The following CNKSR2 variants were observed in gnomAD, a reference collection of about 807,000 sequenced individuals.
The protein encoded by CNKSR2 is CNK homolog protein 2.
In CNKSR2, 14 loss-of-function variants were observed where a neutral mutation model predicts 84.4. The observed-to-expected ratio is 0.17, with a 90% CI of 0.11 to 0.26. The LOEUF is 0.26. Among genes scored for constraint, CNKSR2 ranks in the 10% least tolerant of loss-of-function variants. CNKSR2 has a pLI of 1.00. For missense variants in CNKSR2, 485 were observed against 771.2 expected, an observed-to-expected ratio of 0.63 and a Z score of 4.40; for synonymous variants, 275 against 277.9, an observed-to-expected ratio of 0.99 and a Z score of 0.10.
At chrX:21,426,422 G>C (rs2090565405) in intron 1 of CNKSR2, 75 bp from the exon 2 acceptor site, 1 of 981,314 alleles carries the variant, frequency 1.0e-6, no homozygotes. Flanking sequence ...ATTAATGCTT[G>C]CTTCTAACCC....
At chrX:21,648,379 G>A (rs886383757) in intron 20 of CNKSR2, among the ~76,000 whole-genome samples, 3 of 111,291 alleles carry the variant, frequency 2.7e-5, no homozygotes, top group African/African-American at 6.5e-5. Context: ...TAAACCAGGC[G>A]AGCTCTATTA....
intron 20 of CNKSR2, among the ~76,000 whole-genome samples, chrX:21,634,980 T>C (rs1027035877): frequency 9.4e-6 from 1 of 106,685 alleles, no homozygotes; most frequent in Non-Finnish European, 1.9e-5. Flanking sequence ...CTGTTATTTT[T>C]ATTAGAAGAA....
intron 13 of CNKSR2, among the ~76,000 whole-genome samples, chrX:21,586,237 T>TTC (rs1303528870): frequency 1.8e-5 from 2 of 111,678 alleles, no homozygotes; most frequent in African/African-American, 6.5e-5. Context: ...TGTAACCAAC[T>TTC]GGGAAGGCAA....
chrX:21,582,400 A>G (rs2092358967), intron 13 of CNKSR2, among the ~76,000 whole-genome samples: 1 of 111,771 alleles, frequency 8.9e-6, no homozygotes, highest in South Asian at 3.7e-4. Context: ...CTGTCATGAG[A>G]TGTTTTCATA....
intron 1 of CNKSR2, among the ~76,000 whole-genome samples, chrX:21,418,747 T>A (rs192088943): frequency 9.0e-6 from 1 of 111,702 alleles, no homozygotes; most frequent in Non-Finnish European, 1.9e-5. Context: ...CTTGAGGTAG[T>A]CAAGGCATTT....
At chrX:21,532,279 C>A in intron 11 of CNKSR2, 1 of 282,455 alleles carries the variant, frequency 3.5e-6, no homozygotes, top group Non-Finnish European at 6.2e-6. Context: ...TAAGAAAGAA[C>A]AGTAGGTAAC....
intron 11 of CNKSR2, among the ~76,000 whole-genome samples, chrX:21,547,155 C>G (rs1032016078): frequency 9.0e-6 from 1 of 111,076 alleles, no homozygotes; most frequent in African/African-American, 3.3e-5. Flanking sequence ...AGAGTCAAGA[C>G]CCGTCAGTGT....
chrX:21,498,768 A>G (rs2091528499), intron 7 of CNKSR2, among the ~76,000 whole-genome samples: 1 of 111,882 alleles, frequency 8.9e-6, no homozygotes, highest in Non-Finnish European at 1.9e-5. Flanking sequence ...TGGTTATTTC[A>G]GATTTCCATT....
chrX:21,487,727 C>A (rs1411327750), intron 5 of CNKSR2, among the ~76,000 whole-genome samples: 2 of 112,316 alleles, frequency 1.8e-5, no homozygotes, highest in African/African-American at 3.2e-5. Flanking sequence ...ATTTGAACCG[C>A]AGCCAGTTTT....
intron 2 of CNKSR2, among the ~76,000 whole-genome samples, chrX:21,431,337 A>G (rs2090631405): frequency 9.0e-6 from 1 of 111,626 alleles, no homozygotes; most frequent in Non-Finnish European, 1.9e-5. Flanking sequence ...TAGGAGTAGA[A>G]TATTGGTGCT....
chrX:21,542,247 T>C (rs1160312326), intron 11 of CNKSR2, among the ~76,000 whole-genome samples: 2 of 112,609 alleles, frequency 1.8e-5, no homozygotes, highest in African/African-American at 6.4e-5. Flanking sequence ...TAGTAGTTAC[T>C]AGCATTGGCT....
At chrX:21,504,707 C>T (rs1009669696) in intron 8 of CNKSR2, 17 of 290,820 alleles carry the variant, frequency 5.8e-5, no homozygotes, top group South Asian at 4.2e-4. Context: ...TAGTTTGCTC[C>T]TTTTTTAAAA....
At chrX:21,634,104 T>C (rs1042135822) in intron 20 of CNKSR2, among the ~76,000 whole-genome samples, 5 of 112,332 alleles carry the variant, frequency 4.5e-5, no homozygotes, top group African/African-American at 1.3e-4. Context: ...CAACATATTT[T>C]GAATGCCTAA....
In CNKSR2 at chrX:21,471,032, C is replaced by G. The variant is rs1352206603; in HGVS notation, c.561+225C>G. On this transcript the variant is annotated intron_variant, in intron 5 of 21. Transcript: ENST00000379510. ...AATATTTTAAAATTGTAATGTGTAGCAAGGTTGGAATATAATAAAAAATTA... is the reference window on the plus strand; with the variant it reads ...AATATTTTAAAATTGTAATGTGTAGGAAGGTTGGAATATAATAAAAAATTA... 3.6e-5 allele frequency among the ~76,000 whole-genome samples: 4 copies of G among 110,953 alleles called. No individual in the cohort carries two copies. The East Asian group carries it at 1.1e-3, about 31-fold the overall frequency.
At chrX:21,385,930 A>C (rs938056229) in intron 1 of CNKSR2, among the ~76,000 whole-genome samples, 8 of 105,913 alleles carry the variant, frequency 7.6e-5, no homozygotes, top group Non-Finnish European at 1.5e-4. Context: ...CAAAGATGCC[A>C]CATATTACTG....
At chrX:21,477,261 T>G (rs1374800696) in intron 5 of CNKSR2, among the ~76,000 whole-genome samples, 1 of 112,291 alleles carries the variant, frequency 8.9e-6, no homozygotes, top group Non-Finnish European at 1.9e-5. Flanking sequence ...GCACTTTGTA[T>G]TTTAGCATTT....
intron 13 of CNKSR2, among the ~76,000 whole-genome samples, chrX:21,567,675 G>C (rs1222227317): frequency 9.0e-5 from 10 of 111,448 alleles, no homozygotes; most frequent in Non-Finnish European, 1.9e-5. Flanking sequence ...TTTTTCAAAA[G>C]AGCATAACTT....
At chrX:21,520,867 A>G (rs1399219112) in intron 9 of CNKSR2, among the ~76,000 whole-genome samples, 1 of 110,304 alleles carries the variant, frequency 9.1e-6, no homozygotes, top group Non-Finnish European at 1.9e-5. Context: ...TTTTGCTGCC[A>G]TAGTTACTTG....
At chrX:21,648,770 TTCTCTCTCTC>T (rs1229529311) in intron 20 of CNKSR2, 51 bp from the exon 21 acceptor site, 14 of 754,786 alleles carry the variant, frequency 1.9e-5, no homozygotes, top group East Asian at 1.2e-4. Context: ...TCATTTCTCT[TTCTCTCTCTC>T]TCTCTCTCTC....
Sources: allele counts gnomAD v4.1 joint callset (sites outside exome capture counted in the v4.1 genomes callset), GRCh38; gene constraint gnomAD v4.1.1; transcripts MANE v1.5; gene names NCBI Gene and HGNC (gene_info 2026-07-23, HGNC 2026-07-21).